The following KLHL6 variants were observed in gnomAD, a reference collection of about 807,000 sequenced individuals.
KLHL6 encodes the protein kelch-like protein 6.
In KLHL6, 41 loss-of-function variants were observed where a neutral mutation model predicts 58.6. That is an observed-to-expected ratio of 0.70 (90% CI 0.55 to 0.91). KLHL6 has a LOEUF of 0.91. Among genes scored for constraint, KLHL6 ranks in the 40% least tolerant of loss-of-function variants. KLHL6 has a pLI of 0.00. For missense variants in KLHL6, 714 were observed against 805.6 expected (o/e 0.89, Z 1.38); for synonymous variants, 338 against 322.7 (o/e 1.05, Z -0.51).
intron 2 of KLHL6, among the ~76,000 whole-genome samples, chr3:183,519,212 G>A (rs1711659640): frequency 6.6e-6 from 1 of 152,340 alleles, no homozygotes; most frequent in East Asian, 1.9e-4. Context: ...GGGCACAGAT[G>A]TAGCTGAGAG....
chr3:183,522,272 G>A (rs1321174800), intron 2 of KLHL6: 1 of 152,470 alleles, frequency 6.6e-6, no homozygotes, highest in Non-Finnish European at 1.5e-5. Flanking sequence ...GTTGCGGTGA[G>A]CCGAGATGGC....
chr3:183,508,349 A>G lies in KLHL6; in HGVS notation c.619T>C (p.Ser207Pro), dbSNP rs1213332999. 2 of 1,614,086 alleles carry G rather than the reference A, an allele frequency of 1.2e-6. No individual in the cohort carries two copies. The highest frequency in any genetic ancestry group is 1.1e-5 in the South Asian group (1 of 91,092). ...IIQNFVQILNSEEFLDLPVDT... is the reference protein window; with the variant it reads ...IIQNFVQILNPEEFLDLPVDT... Reference sequence around the variant, plus strand: ...ACGGGCAGGTCAAGAAACTCCTCAGAGTTCAGAATCTGCACAAAGTTTTGA... The same window carrying G: ...ACGGGCAGGTCAAGAAACTCCTCAGGGTTCAGAATCTGCACAAAGTTTTGA... The change falls in exon 3 of 7, where the codon TCT (serine) becomes CCT (proline). Residue 207 changes from serine (S) to proline (P), a missense_variant. Coordinates refer to ENST00000341319, the MANE Select transcript of KLHL6 (RefSeq NM_130446.4).
At chr3:183,547,259 C>T (rs1303243970) in intron 1 of KLHL6, among the ~76,000 whole-genome samples, 1 of 152,174 alleles carries the variant, frequency 6.6e-6, no homozygotes, top group Admixed American at 6.5e-5. Flanking sequence ...TGTATACTCA[C>T]TGCTGAAGTA....
In KLHL6 at chr3:183,499,635, C is replaced by T. The variant is rs774841844; in HGVS notation, c.1102G>A (p.Val368Met). ...TTCAATGTCACGCATGCAAACTCCA[C>T]CCACTTCTTATTCTCACTCTCCAGC... ...HELESENKKW[V>M]EFACVTLKNE... Residue 368 changes from valine to methionine, a missense_variant, in exon 4 of 7, where the codon GTG (valine) becomes ATG (methionine). By Grantham distance (21) the Val-to-Met change is conservative (BLOSUM62 1). Around this residue, in one of 2 missense-constraint regions of KLHL6, gnomAD observed 510 missense variants for 629.7 expected, o/e 0.81. Coordinates refer to ENST00000341319, the MANE Select transcript of KLHL6 (RefSeq NM_130446.4). This position sits in a 1 kb window ranked among gnomAD's most constrained non-coding sequence, Gnocchi z 4.6. The T allele has an allele frequency of 6.2e-7, 1 of 1,607,282 alleles. No homozygotes were observed.
intron 2 of KLHL6, 24 bp downstream of exon 2, chr3:183,527,821 C>T (rs1712026402): frequency 1.2e-6 from 2 of 1,612,294 alleles, no homozygotes; most frequent in East Asian, 2.2e-5. Flanking sequence ...CAGAGAAGAG[C>T]ACTGAGCCAG....
intron 1 of KLHL6, chr3:183,544,572 TG>T: frequency 6.6e-6 from 1 of 152,238 alleles, no homozygotes; most frequent in African/African-American, 2.4e-5. Context: ...AGTAAAGCAG[TG>T]TTTGTTACCC....
At position 183,542,892 on chromosome 3, in the gene KLHL6, A is replaced by ATGGATGGATGGG. The variant is rs535198891; in HGVS notation, c.293+12468_293+12469insCCCATCCATCCA. On this transcript the variant is annotated intron_variant, in intron 1 of 6. Coordinates refer to ENST00000341319, the MANE Select transcript of KLHL6 (RefSeq NM_130446.4). ...GATGGATGGATGGATGGATGGATGG[A>ATGGATGGATGGG]TGGATGGATGGACAGATGGATGGAA... Among the ~76,000 whole-genome samples the ATGGATGGATGGG allele has an allele frequency of 9.0e-3, 1,344 of 149,508 alleles. 6 individuals carry two copies. Among genetic ancestry groups the ATGGATGGATGGG allele is most frequent in the Non-Finnish European group, 0.013 (892 of 67,986 alleles).
chr3:183,549,706 C>A (rs998623301), intron 1 of KLHL6, among the ~76,000 whole-genome samples: 2 of 152,170 alleles, frequency 1.3e-5, no homozygotes, highest in African/African-American at 4.8e-5. Flanking sequence ...GATGGGGTTT[C>A]ACCATGTTAG....
In KLHL6 at chr3:183,491,855, G is replaced by A; in HGVS notation, c.*72C>T. On this transcript the variant is annotated 3_prime_UTR_variant, in exon 7 of 7. Coordinates refer to ENST00000341319, the MANE Select transcript of KLHL6 (RefSeq NM_130446.4). ...AACTCGAGCCTGCTGCCTGAAGTGG[G>A]ACTGGAGGAGGGTGAGAGGTGAGGC... The A allele has an allele frequency of 7.6e-7, 1 of 1,322,400 alleles. No homozygotes were observed. The highest frequency in any genetic ancestry group is 1.0e-6 in the Non-Finnish European group (1 of 995,370). The allele number at this position is 1,322,400 out of a possible 1,614,324, so 81.9% of individuals were successfully genotyped here. A position where few individuals can be genotyped will look rare whatever the true frequency, so the allele number is the denominator to read the frequency against.
intron 1 of KLHL6, among the ~76,000 whole-genome samples, chr3:183,533,274 C>T (rs111984869): frequency 6.7e-6 from 1 of 148,524 alleles, no homozygotes; most frequent in Non-Finnish European, 1.5e-5. Flanking sequence ...TCCTTCTTTC[C>T]TTCCTTCCTT....
In KLHL6 at chr3:183,492,418, A is replaced by G; in HGVS notation, c.1564+76T>C. ...AGTTGCCAGCGCTGGAGACACCGCG[A>G]CACACCGTTTACGTGCTGCAGCCAG... On this transcript the variant is annotated intron_variant, in intron 6 of 6. Coordinates refer to ENST00000341319, the MANE Select transcript of KLHL6 (RefSeq NM_130446.4). The surrounding 1 kb of genome is among the most constrained non-coding windows in gnomAD (Gnocchi z 5.9). 6.6e-7 allele frequency: 1 copy of G among 1,524,680 alleles called. No individual in the cohort carries two copies. Among genetic ancestry groups the G allele is most frequent in the Non-Finnish European group, 9.0e-7 (1 of 1,107,326 alleles). The allele number at this position is 1,524,680 out of a possible 1,614,324, so 94.4% of individuals were successfully genotyped here. A position where few individuals can be genotyped will look rare whatever the true frequency, so the allele number is the denominator to read the frequency against.
At position 183,492,880 on chromosome 3, in the gene KLHL6, C is replaced by A. The variant is rs1031677861; in HGVS notation, c.1351-173G>T. The A allele has an allele frequency of 1.7e-6, 1 of 600,728 alleles. No homozygotes were observed. Among genetic ancestry groups the A allele is most frequent in the Non-Finnish European group, 2.9e-6 (1 of 341,240 alleles). 37.2% of individuals were successfully genotyped at this position (600,728 alleles called of 1,614,324 possible). A position where few individuals can be genotyped will look rare whatever the true frequency, so the allele number is the denominator to read the frequency against. Reference sequence around the variant, plus strand: ...AAGACACAGCAAGAATGAAAGCATGCATTTCCCACCCTCCCTCCAGGCTCC... The same window carrying A: ...AAGACACAGCAAGAATGAAAGCATGAATTTCCCACCCTCCCTCCAGGCTCC... On this transcript the variant is annotated intron_variant, in intron 5 of 6. Transcript: ENST00000341319. This position sits in a 1 kb window ranked among gnomAD's most constrained non-coding sequence, Gnocchi z 5.9.
At chr3:183,508,811 C>A (rs1445338286) in intron 2 of KLHL6, among the ~76,000 whole-genome samples, 1 of 152,142 alleles carries the variant, frequency 6.6e-6, no homozygotes, top group East Asian at 1.9e-4. Flanking sequence ...ACTTACGGGA[C>A]TAGCTAAATA....
At chr3:183,551,074 T>C (rs1235984864) in intron 1 of KLHL6, among the ~76,000 whole-genome samples, 2 of 145,592 alleles carry the variant, frequency 1.4e-5, no homozygotes, top group Non-Finnish European at 3.0e-5. Context: ...TGAGCGGAGA[T>C]ACTGCCACTG....
chr3:183,494,396 G>A (rs1302897342), intron 4 of KLHL6, 115 bp from the exon 5 acceptor site: 8 of 807,846 alleles, frequency 9.9e-6, no homozygotes, highest in Non-Finnish European at 8.1e-6. Flanking sequence ...CTACCCTGAG[G>A]GGAGATACAA....
At chr3:183,540,799 C>T (rs1179654865) in intron 1 of KLHL6, among the ~76,000 whole-genome samples, 1 of 152,310 alleles carries the variant, frequency 6.6e-6, no homozygotes, top group South Asian at 2.1e-4. Context: ...TTTTACACAT[C>T]TTCCACCTCC....
At chr3:183,540,820 T>C (rs1443895986) in intron 1 of KLHL6, among the ~76,000 whole-genome samples, 1 of 152,232 alleles carries the variant, frequency 6.6e-6, no homozygotes, top group Non-Finnish European at 1.5e-5. Flanking sequence ...TTCCTGAAGA[T>C]GAAACCTGGC....
At chr3:183,503,942 G>C (rs1292758641) in intron 3 of KLHL6, among the ~76,000 whole-genome samples, 1 of 152,168 alleles carries the variant, frequency 6.6e-6, no homozygotes, top group African/African-American at 2.4e-5. Context: ...TTCCAGCAGG[G>C]AGCAGACTGA....
In KLHL6 at chr3:183,550,778, A is replaced by C. The variant is rs59463715; in HGVS notation, c.293+4583T>G. ...TGCACTCCAGCCTGGGCAACAGACC[A>C]AGACCCTGTCTCAAAACAAAACAAA... On this transcript the variant is annotated intron_variant, in intron 1 of 6. Coordinates refer to ENST00000341319, the MANE Select transcript of KLHL6 (RefSeq NM_130446.4). Among the ~76,000 whole-genome samples the C allele has an allele frequency of 2.8e-4, 42 of 152,092 alleles. No homozygotes were observed. In the East Asian group the frequency reaches 6.0e-3, roughly 22 times the overall value.
Sources: allele counts gnomAD v4.1 joint callset (sites outside exome capture counted in the v4.1 genomes callset), GRCh38; gene constraint gnomAD v4.1.1; regional missense constraint gnomAD v4.1.1; non-coding constraint Gnocchi (gnomAD v3.1); transcripts MANE v1.5; gene names NCBI Gene and HGNC (gene_info 2026-07-23, HGNC 2026-07-21).